HEPACAM2: variants seen among roughly 807,000 people sequenced by gnomAD.
HEPACAM2 encodes mitotic kinetics regulator.
A neutral mutation model predicts 49.6 loss-of-function variants in HEPACAM2; 49 were observed. The ratio of observed to expected loss-of-function variants is 0.99; its 90% CI spans 0.78 to 1.25. The LOEUF is 1.25. Among genes scored for constraint, HEPACAM2 ranks in the 50% most tolerant of loss-of-function variants. The probability of loss-of-function intolerance (pLI) is 0.00; values close to 1 mark genes in which losing one functional copy is unlikely to be tolerated. For synonymous variants in HEPACAM2, 197 were observed against 202.9 expected (o/e 0.97, Z 0.25); for missense variants, 525 against 557.2 (o/e 0.94, Z 0.58).
chr7:93,197,563 T>C lies in HEPACAM2; in HGVS notation c.1060A>G (p.Ser354Gly), dbSNP rs548198996. Residue 354 changes from serine to glycine, a missense_variant, in exon 5 of 10, where the codon AGT becomes GGT. Physicochemically the swap from Ser to Gly is moderately conservative, Grantham distance 56. Coordinates refer to ENST00000394468, the MANE Select transcript of HEPACAM2 (RefSeq NM_001039372.4). ...AAAAATAGTGATATTCCAGTTATAC[T>C]TGCTAAAGGTGACAATGATTTTCCT... The part of the protein sequence containing the change: ...QKGKSLSPLA[S>G]ITGISLFLII... 1 of 1,597,826 alleles carries C rather than the reference T, an allele frequency of 6.3e-7. No homozygotes were observed. Among genetic ancestry groups the C allele is most frequent in the East Asian group, 2.2e-5 (1 of 44,570 alleles).
rs557323102 is a variant in HEPACAM2 at position 93,192,286 on chromosome 7, C to A, written c.1353G>T (p.Gln451His). Residue 451 changes from glutamine (Q) to histidine (H), a missense_variant, in exon 9 of 10, where the codon CAG becomes CAT. Gln to His is a conservative substitution (Grantham distance 24). Coordinates refer to ENST00000394468, the MANE Select transcript of HEPACAM2 (RefSeq NM_001039372.4). ...GGTCTTGCTGCTGGGCAGGGATGTG[C>A]TGAATAACTTCATACACTGTACTGT... is the stretch of plus-strand genomic sequence containing the variant. ...DLHSTVYEVIQHIPAQQQDHP... is the reference protein window; with the variant it reads ...DLHSTVYEVIHHIPAQQQDHP... 5.6e-6 allele frequency: 9 copies of A among 1,612,724 alleles called. No individual in the cohort carries two copies. In the South Asian group the frequency reaches 9.9e-5, roughly 18 times the overall value.
intron 3 of HEPACAM2, among the ~76,000 whole-genome samples, chr7:93,209,916 C>T (rs1794137598): frequency 1.3e-5 from 2 of 151,812 alleles, no homozygotes; most frequent in Non-Finnish European, 2.9e-5. Context: ...AATCCTCCCA[C>T]CCACACCCCA....
At chr7:93,196,918 G>A (rs1461476229) in intron 7 of HEPACAM2, among the ~76,000 whole-genome samples, 1 of 152,034 alleles carries the variant, frequency 6.6e-6, no homozygotes, top group Non-Finnish European at 1.5e-5. Context: ...AATAATAATA[G>A]GATCAATGAG....
intron 2 of HEPACAM2, among the ~76,000 whole-genome samples, chr7:93,217,439 T>C (rs1253361783): frequency 3.3e-5 from 5 of 152,334 alleles, no homozygotes; most frequent in Middle Eastern, 3.4e-3. Flanking sequence ...GATGCAACTT[T>C]ACTACTGATT....
rs570980381 is a variant in HEPACAM2 at position 93,197,698 on chromosome 7, T to C, written c.1013-88A>G. On this transcript the variant is annotated intron_variant, in intron 4 of 9. Coordinates refer to ENST00000394468, the MANE Select transcript of HEPACAM2 (RefSeq NM_001039372.4). ...AAATGCCGTATTTTAAATGAGACGCTATTGAAAAAAATATATAAACACGTA... is the reference window on the plus strand; with the variant it reads ...AAATGCCGTATTTTAAATGAGACGCCATTGAAAAAAATATATAAACACGTA... 10 of 929,990 alleles carry C rather than the reference T, an allele frequency of 1.1e-5. No individual in the cohort carries two copies. In the Admixed American group the frequency reaches 2.5e-4, roughly 23 times the overall value. The allele number at this position is 929,990 out of a possible 1,614,324, so 57.6% of individuals were successfully genotyped here.
At position 93,215,662 on chromosome 7, in the gene HEPACAM2, G is replaced by T. The variant is rs1794291114; in HGVS notation, c.454C>A (p.Gln152Lys). ...ACAGCCCCAGAGGGAGGATGAATCTGCACCACTGGCTTTGTGACAGGATCT... is the reference window on the plus strand; with the variant it reads ...ACAGCCCCAGAGGGAGGATGAATCTTCACCACTGGCTTTGTGACAGGATCT... ...VDDPVTKPVVQIHPPSGAVEY... is the reference protein window; with the variant it reads ...VDDPVTKPVVKIHPPSGAVEY... Residue 152 changes from glutamine to lysine, a missense_variant, in exon 3 of 10, where the codon CAG becomes AAG. Transcript: ENST00000394468. 1 of 1,613,174 alleles carries T rather than the reference G, an allele frequency of 6.2e-7. No individual in the cohort carries two copies.
intron 3 of HEPACAM2, among the ~76,000 whole-genome samples, chr7:93,214,407 A>C (rs1467484853): frequency 6.6e-6 from 1 of 152,154 alleles, no homozygotes; most frequent in Non-Finnish European, 1.5e-5. Context: ...GTGTAAATGG[A>C]AGCCACATTT....
upstream of HEPACAM2, among the ~76,000 whole-genome samples, chr7:93,229,241 CT>C (rs989047699): frequency 2.6e-5 from 4 of 152,182 alleles, no homozygotes; most frequent in African/African-American, 9.7e-5. Flanking sequence ...ATGCCTATGC[CT>C]GTGCTAGTGT....
At chr7:93,206,624 A>C (rs967450308) in intron 4 of HEPACAM2, among the ~76,000 whole-genome samples, 1 of 152,080 alleles carries the variant, frequency 6.6e-6, no homozygotes, top group Admixed American at 6.6e-5. Flanking sequence ...AATTAAAATT[A>C]ATAAAGATGA....
At chr7:93,190,993 A>G (rs1209930770) in intron 9 of HEPACAM2, among the ~76,000 whole-genome samples, 1 of 152,108 alleles carries the variant, frequency 6.6e-6, no homozygotes, top group Admixed American at 6.6e-5. Context: ...ATGAACTTAA[A>G]TAGGATAGAA....
At chr7:93,202,031 C>CCAAAAAAAAAAAAAAAAAAA (rs1793901647) in intron 4 of HEPACAM2, among the ~76,000 whole-genome samples, 3 of 22,750 alleles carry the variant, frequency 1.3e-4, no homozygotes, top group African/African-American at 2.1e-4. Flanking sequence ...AAAAAAAAAA[C>CCAAAAAAAAAAAAAAAAAAA]CAAAAAAAAA....
In HEPACAM2 at chr7:93,195,826, A is replaced by G; in HGVS notation, c.1275+2T>C. The G allele has an allele frequency of 6.8e-6, 11 of 1,612,030 alleles. No individual in the cohort carries two copies. Among genetic ancestry groups the G allele is most frequent in the Non-Finnish European group, 9.3e-6 (11 of 1,178,602 alleles). On this transcript the variant is annotated splice_donor_variant, in intron 8 of 9. Coordinates refer to ENST00000394468, the MANE Select transcript of HEPACAM2 (RefSeq NM_001039372.4). LOFTEE classifies it high-confidence loss of function. The stretch of plus-strand genomic sequence containing the variant: ...GGTTAATCAGCCACTAGGAAAACCA[A>G]CCCTGGAAACACCAGAAACATCTGG...
chr7:93,190,905 C>G (rs1793527101), intron 9 of HEPACAM2, among the ~76,000 whole-genome samples: 2 of 151,632 alleles, frequency 1.3e-5, no homozygotes, highest in African/African-American at 4.8e-5. Flanking sequence ...AAAAGATAAA[C>G]CCCAAGTTGT....
chr7:93,208,977 T>A, intron 3 of HEPACAM2, 101 bp from the exon 4 acceptor site: 1 of 1,016,314 alleles, frequency 9.8e-7, no homozygotes, highest in Non-Finnish European at 1.4e-6. Context: ...TTTGAAAATT[T>A]TCATCTTAGA....
At chr7:93,215,128 G>A (rs971456067) in intron 3 of HEPACAM2, among the ~76,000 whole-genome samples, 6 of 152,078 alleles carry the variant, frequency 3.9e-5, no homozygotes, top group African/African-American at 9.7e-5. Context: ...CTTGCTTTCC[G>A]CTGGAAATGA....
At chr7:93,228,723 G>C (rs543898756), upstream of HEPACAM2, among the ~76,000 whole-genome samples, 1 of 152,162 alleles carries the variant, frequency 6.6e-6, no homozygotes, top group Admixed American at 6.5e-5. Flanking sequence ...TTTAAAATGA[G>C]AAGGCTGATT....
upstream of HEPACAM2, chr7:93,226,618 TTAGCAA>T (rs1794546836): frequency 6.0e-6 from 3 of 497,260 alleles, no homozygotes; most frequent in East Asian, 9.1e-5. Flanking sequence ...TGTTATGTGC[TTAGCAA>T]GAATACAGGC....
chr7:93,230,936 T>C (rs777733958), upstream of HEPACAM2, among the ~76,000 whole-genome samples: 2 of 152,206 alleles, frequency 1.3e-5, no homozygotes, highest in Admixed American at 6.5e-5. Context: ...TACCTCATAA[T>C]TGTATAGTGC....
At chr7:93,206,679 T>G (rs1411231070) in intron 4 of HEPACAM2, among the ~76,000 whole-genome samples, 2 of 149,902 alleles carry the variant, frequency 1.3e-5, no homozygotes, top group Admixed American at 6.6e-5. Flanking sequence ...AAGCACATTG[T>G]GTTAAGTGCT....
Sources: gnomAD v4.1 joint callset for allele counts (sites outside exome capture counted in the v4.1 genomes callset) on GRCh38, gnomAD v4.1.1 for gene constraint, MANE v1.5 for transcripts, NCBI Gene and HGNC (gene_info 2026-07-23, HGNC 2026-07-21) for gene names.